ACYP2: variants seen among roughly 807,000 people sequenced by gnomAD.
ACYP2 encodes acylphosphatase 2.
In ACYP2, 12 loss-of-function variants were observed where a neutral mutation model predicts 11.2. The observed-to-expected ratio is 1.08, with a 90% CI of 0.69 to 1.74. The LOEUF is 1.74. ACYP2 is among the 40% of genes most tolerant of loss of function. The pLI, the probability that ACYP2 is intolerant of heterozygous loss-of-function variation, is 0.00. For missense variants in ACYP2, 134 were observed against 101.9 expected, an observed-to-expected ratio of 1.31 and a Z score of -1.35; for synonymous variants, 43 against 32.2, an observed-to-expected ratio of 1.33 and a Z score of -1.13.
Position 54,105,179 on chromosome 2 carries a change from A to C in ACYP2, c.278-30274A>C, listed in dbSNP as rs145038194. Among the ~76,000 whole-genome samples the C allele has an allele frequency of 6.6e-3, 1,009 of 152,278 alleles. 8 individuals are homozygous for C. Among genetic ancestry groups the C allele is most frequent in the South Asian group, 0.03 (146 of 4,820 alleles). ...GCTTCCCACTGTACTTGGAACAGGA[A>C]CCAGACTCCACCGTGGCTTCCACAG... On this transcript the variant is annotated intron_variant, in intron 4 of 6. Transcript: ENST00000607452.
intron 2 of ACYP2, among the ~76,000 whole-genome samples, chr2:54,011,178 A>C (rs963750215): frequency 9.9e-5 from 15 of 152,228 alleles, no homozygotes; most frequent in African/African-American, 3.6e-4. Flanking sequence ...CCAAGTAATC[A>C]GTTATAAGAA....
intron 4 of ACYP2, among the ~76,000 whole-genome samples, chr2:54,088,771 T>A (rs577926917): frequency 8.4e-4 from 128 of 152,234 alleles, no homozygotes; most frequent in African/African-American, 2.8e-3. Flanking sequence ...AGTTATGGAG[T>A]CTGCCAGAGT....
intron 2 of ACYP2, among the ~76,000 whole-genome samples, chr2:54,016,404 A>G (rs1161110299): frequency 6.6e-6 from 1 of 151,530 alleles, no homozygotes; most frequent in Non-Finnish European, 1.5e-5. Flanking sequence ...TATAAGGCTC[A>G]AATTTCTCTG....
intron 4 of ACYP2, among the ~76,000 whole-genome samples, chr2:54,099,332 ATGT>A (rs1678762750): frequency 6.6e-6 from 1 of 152,168 alleles, no homozygotes; most frequent in Non-Finnish European, 1.5e-5. Flanking sequence ...AGTATACAAC[ATGT>A]TGTTATTAAC....
intron 2 of ACYP2, among the ~76,000 whole-genome samples, chr2:54,043,600 A>T (rs903804372): frequency 4.5e-4 from 69 of 152,106 alleles, no homozygotes; most frequent in Admixed American, 7.9e-4. Context: ...TAATTAAAAA[A>T]TTTTTTCCTG....
intron 2 of ACYP2, among the ~76,000 whole-genome samples, chr2:54,019,069 A>T (rs1371980979): frequency 6.7e-6 from 1 of 149,390 alleles, no homozygotes; most frequent in East Asian, 2.0e-4. Context: ...TATTATTATT[A>T]TGTTTTTTTT....
At chr2:54,024,290 T>C (rs1206915020) in intron 2 of ACYP2, among the ~76,000 whole-genome samples, 1 of 152,054 alleles carries the variant, frequency 6.6e-6, no homozygotes, top group Non-Finnish European at 1.5e-5. Flanking sequence ...CACTTGAACC[T>C]GAGAGGCAGA....
At chr2:54,234,247 T>G (rs761790113) in intron 6 of ACYP2, among the ~76,000 whole-genome samples, 36 of 152,222 alleles carry the variant, frequency 2.4e-4, no homozygotes, top group Non-Finnish European at 4.7e-4. Context: ...TAAACGGATT[T>G]TATCATTCTT....
chr2:54,027,268 C>T (rs909697970), intron 2 of ACYP2, among the ~76,000 whole-genome samples: 3 of 152,112 alleles, frequency 2.0e-5, no homozygotes, highest in Non-Finnish European at 4.4e-5. Context: ...ACTAGAATTG[C>T]CTTCACCCTT....
intron 6 of ACYP2, among the ~76,000 whole-genome samples, chr2:54,248,499 TG>T (rs1687065793): frequency 6.6e-6 from 1 of 152,128 alleles, no homozygotes; most frequent in Non-Finnish European, 1.5e-5. Context: ...AAGAAACTTA[TG>T]GTCTAGTATG....
At chr2:54,201,935 T>C (rs1189808624) in intron 6 of ACYP2, among the ~76,000 whole-genome samples, 2 of 152,034 alleles carry the variant, frequency 1.3e-5, no homozygotes, top group African/African-American at 4.8e-5. Context: ...CTTAAACTCC[T>C]GACCTGAGGT....
intron 2 of ACYP2, among the ~76,000 whole-genome samples, chr2:54,044,580 C>G (rs945013218): frequency 6.6e-6 from 1 of 151,862 alleles, no homozygotes; most frequent in African/African-American, 2.4e-5. Context: ...GAGTAAGACG[C>G]TGTCCCCCAC....
intron 6 of ACYP2, among the ~76,000 whole-genome samples, chr2:54,188,943 G>C (rs1367137191): frequency 6.6e-6 from 1 of 152,126 alleles, no homozygotes; most frequent in African/African-American, 2.4e-5. Flanking sequence ...TAGCCCACCT[G>C]CCTACCCAAG....
At chr2:54,044,365 C>G (rs1371582167) in intron 2 of ACYP2, among the ~76,000 whole-genome samples, 2 of 151,388 alleles carry the variant, frequency 1.3e-5, no homozygotes, top group Non-Finnish European at 2.9e-5. Context: ...GAGGCTGAGG[C>G]GGGTAGATCA....
At chr2:54,100,916 G>A (rs1030795541) in intron 4 of ACYP2, among the ~76,000 whole-genome samples, 1 of 152,204 alleles carries the variant, frequency 6.6e-6, no homozygotes, top group African/African-American at 2.4e-5. Flanking sequence ...GGACTTTGTA[G>A]GTGCTAGGAG....
At chr2:54,287,523 C>G (rs1009452486) in intron 6 of ACYP2, among the ~76,000 whole-genome samples, 2 of 152,000 alleles carry the variant, frequency 1.3e-5, no homozygotes, top group Admixed American at 6.5e-5. Context: ...TTAGAGGTGA[C>G]ACTGAGTGTC....
intron 4 of ACYP2, among the ~76,000 whole-genome samples, chr2:54,085,968 A>G (rs1421416311): frequency 6.6e-6 from 1 of 151,854 alleles, no homozygotes; most frequent in Non-Finnish European, 1.5e-5. Context: ...TTTTTGAGAC[A>G]GAGTCTCACT....
At chr2:54,255,460 C>G in intron 6 of ACYP2, 2 of 1,613,948 alleles carry the variant, frequency 1.2e-6, no homozygotes, top group Non-Finnish European at 1.7e-6. Flanking sequence ...ATGAATCTGC[C>G]CAAACCTGCG....
At chr2:54,300,414 C>T (rs1055815403) in intron 6 of ACYP2, among the ~76,000 whole-genome samples, 1 of 152,202 alleles carries the variant, frequency 6.6e-6, no homozygotes, top group African/African-American at 2.4e-5. Context: ...AGAAGAAAGT[C>T]ACCTCACTAG....
Sources: allele counts gnomAD v4.1 joint callset (sites outside exome capture counted in the v4.1 genomes callset), GRCh38; gene constraint gnomAD v4.1.1; transcripts MANE v1.5; gene names NCBI Gene and HGNC (gene_info 2026-07-23, HGNC 2026-07-21).